MCPH1: variants seen among roughly 807,000 people sequenced by gnomAD.
MCPH1 encodes microcephalin.
Under a neutral mutation model 84.5 loss-of-function variants are expected in MCPH1, and 104 were observed. The ratio of observed to expected loss-of-function variants is 1.23; its 90% CI spans 1.05 to 1.45. The LOEUF is 1.45. Ranked by LOEUF, MCPH1 falls within the 40% of genes most tolerant of loss-of-function variation. The pLI, the probability that MCPH1 is intolerant of heterozygous loss-of-function variation, is 0.00. For synonymous variants in MCPH1, 514 were observed against 366.8 expected (o/e 1.40, Z -4.58); for missense variants, 1,498 against 1,005.7 (o/e 1.49, Z -6.62).
intron 12 of MCPH1, among the ~76,000 whole-genome samples, chr8:6,596,359 C>T (rs946446456): frequency 6.6e-6 from 1 of 152,162 alleles, no homozygotes; most frequent in South Asian, 2.1e-4. Context: ...ATGGCACAGC[C>T]CCCTGCCTGC....
rs113751908 is a variant in MCPH1, at chr8:6,582,732, G to A, written c.2215-38722G>A. Among the ~76,000 whole-genome samples the A allele has an allele frequency of 6.6e-5, 10 of 152,238 alleles. 1 individual carries two copies. The highest frequency in any genetic ancestry group is 2.4e-4 in the African/African-American group (10 of 41,548). ...CCTTCGTCATTCAAGCCTTTTCACA[G>A]TATGGCTCTTTCCAGCCTTTTATTT... On this transcript the variant is annotated intron_variant, in intron 12 of 13. Transcript: ENST00000344683.
intron 12 of MCPH1, chr8:6,617,277 G>GGTT (rs373396280): frequency 8.7e-6 from 1 of 114,642 alleles, no homozygotes; most frequent in African/African-American, 3.6e-5. Flanking sequence ...TGTTTTTTTT[G>GGTT]TTTTTTTTTT....
At position 6,542,003 on chromosome 8, in the gene MCPH1, A is replaced by G. The variant is rs530811407; in HGVS notation, c.2214+42074A>G. 6.1e-4 allele frequency among the ~76,000 whole-genome samples: 91 copies of G among 149,350 alleles called. No individual in the cohort carries two copies. In the South Asian group the frequency reaches 0.012, roughly 20 times the overall value. ...AGCCTGGGTGACAGAATGAGACTCA[A>G]TCTCAAAAAAAAAAAAAAAAAAGTA... is the stretch of plus-strand genomic sequence containing the variant. On this transcript the variant is annotated intron_variant, in intron 12 of 13. Coordinates refer to ENST00000344683, the MANE Select transcript of MCPH1 (RefSeq NM_024596.5).
At chr8:6,519,682 A>G (rs1816939251) in intron 12 of MCPH1, among the ~76,000 whole-genome samples, 1 of 152,240 alleles carries the variant, frequency 6.6e-6, no homozygotes, top group Non-Finnish European at 1.5e-5. Flanking sequence ...TTTTCTGCAC[A>G]GCAGCGGCAC....
Position 6,409,326 on chromosome 8 carries a change from T to A in MCPH1, c.70T>A (p.Tyr24Asn). The A allele has an allele frequency of 6.2e-7, 1 of 1,614,140 alleles. No homozygotes were observed. The highest frequency in any genetic ancestry group is 8.5e-7 in the Non-Finnish European group (1 of 1,180,000). The change falls in exon 2 of 14, where the codon TAT becomes AAT. Residue 24 changes from tyrosine to asparagine, a missense_variant. Coordinates refer to ENST00000344683, the MANE Select transcript of MCPH1 (RefSeq NM_024596.5). Reference sequence around the variant, plus strand: ...GTGGTCATCCAATGGAACAGAAAATTATTCAAAGACATTTACAACACAGCT... The same window carrying A: ...GTGGTCATCCAATGGAACAGAAAATAATTCAAAGACATTTACAACACAGCT... The part of the protein sequence containing the change: ...EVWSSNGTEN[Y>N]SKTFTTQLVD...
chr8:6,454,379 T>G (rs1363858341), intron 8 of MCPH1, among the ~76,000 whole-genome samples: 23 of 152,188 alleles, frequency 1.5e-4, no homozygotes. Context: ...CGTCAAAGTT[T>G]GCATTATACC....
At chr8:6,522,755 C>CA in intron 12 of MCPH1, among the ~76,000 whole-genome samples, 1 of 149,878 alleles carries the variant, frequency 6.7e-6, no homozygotes, top group South Asian at 2.1e-4. Flanking sequence ...GCCTGGGCAA[C>CA]AGAGCGAGAC....
Position 6,621,449 on chromosome 8 carries a change from C to T in MCPH1, c.2215-5C>T. On this transcript the variant is annotated splice_region_variant and splice_polypyrimidine_tract_variant and intron_variant, in intron 12 of 13. Coordinates refer to ENST00000344683, the MANE Select transcript of MCPH1 (RefSeq NM_024596.5). ...TCTGTAATTCTATCTCTGTCTGCCC[C>T]ACAGCTGTGCCGAAGCGAGTGCCAC... The T allele has an allele frequency of 6.2e-7, 1 of 1,613,858 alleles. No individual in the cohort carries two copies. Among genetic ancestry groups the T allele is most frequent in the Non-Finnish European group, 8.5e-7 (1 of 1,179,932 alleles).
intron 12 of MCPH1, among the ~76,000 whole-genome samples, chr8:6,510,387 A>G (rs1051394791): frequency 5.9e-5 from 9 of 152,206 alleles, no homozygotes; most frequent in African/African-American, 2.2e-4. Flanking sequence ...TTGAAGCACC[A>G]AGATGATGCC....
intron 12 of MCPH1, among the ~76,000 whole-genome samples, chr8:6,538,763 T>C (rs919008581): frequency 1.3e-5 from 2 of 152,216 alleles, no homozygotes; most frequent in African/African-American, 4.8e-5. Flanking sequence ...ATGTTCTTGC[T>C]TGCTTGGTGA....
intron 9 of MCPH1, among the ~76,000 whole-genome samples, chr8:6,473,059 G>T (rs12676922): frequency 6.6e-6 from 1 of 152,006 alleles, no homozygotes; most frequent in Non-Finnish European, 1.5e-5. Context: ...ATAAAACACA[G>T]AATCTTTGGA....
intron 12 of MCPH1, chr8:6,507,865 G>C (rs1814099404): frequency 1.3e-5 from 2 of 152,056 alleles, no homozygotes; most frequent in Admixed American, 1.3e-4. Context: ...TTACAGGCGT[G>C]AGCCACCGGG....
intron 12 of MCPH1, among the ~76,000 whole-genome samples, chr8:6,599,003 A>G (rs559986699): frequency 5.3e-5 from 8 of 152,364 alleles, no homozygotes; most frequent in African/African-American, 1.9e-4. Context: ...CATGTATTTT[A>G]AAAAGCGTGA....
At chr8:6,610,778 C>T (rs1001816439) in intron 12 of MCPH1, among the ~76,000 whole-genome samples, 2 of 152,118 alleles carry the variant, frequency 1.3e-5, no homozygotes, top group South Asian at 2.1e-4. Context: ...TTCATACACT[C>T]GAGACAACTT....
At chr8:6,499,046 T>G (rs1388822271) in intron 11 of MCPH1, among the ~76,000 whole-genome samples, 1 of 150,492 alleles carries the variant, frequency 6.6e-6, no homozygotes, top group Admixed American at 6.6e-5. Context: ...AGTGAGAGTT[T>G]GTCTCAAAAA....
chr8:6,639,199 G>A (rs947004939), intron 13 of MCPH1, among the ~76,000 whole-genome samples: 11 of 152,138 alleles, frequency 7.2e-5, no homozygotes, highest in Admixed American at 5.2e-4. Context: ...GTAGACGGGT[G>A]CATGGGTAGA....
chr8:6,466,332 G>C (rs1293055182), intron 9 of MCPH1, among the ~76,000 whole-genome samples: 3 of 149,084 alleles, frequency 2.0e-5, no homozygotes, highest in African/African-American at 5.0e-5. Flanking sequence ...TGGAGTCTTG[G>C]AGTCTCGCTC....
chr8:6,523,361 T>G (rs1357183683), intron 12 of MCPH1, among the ~76,000 whole-genome samples: 2 of 152,176 alleles, frequency 1.3e-5, no homozygotes, highest in African/African-American at 4.8e-5. Flanking sequence ...CTAAGATACT[T>G]TATTAATGGT....
intron 12 of MCPH1, among the ~76,000 whole-genome samples, chr8:6,531,870 C>T (rs1347412641): frequency 6.6e-6 from 1 of 152,186 alleles, no homozygotes; most frequent in African/African-American, 2.4e-5. Context: ...AAACTCATTC[C>T]ACAGGCTGTG....
Sources: allele counts gnomAD v4.1 joint callset (sites outside exome capture counted in the v4.1 genomes callset), GRCh38; gene constraint gnomAD v4.1.1; transcripts MANE v1.5; gene names NCBI Gene and HGNC (gene_info 2026-07-23, HGNC 2026-07-21).